P3H2: variants seen among roughly 807,000 people sequenced by gnomAD.
The protein encoded by P3H2 is prolyl 3-hydroxylase 2, also known as leprecan-like 1.
A neutral mutation model predicts 87.0 loss-of-function variants in P3H2; 80 were observed. The observed-to-expected ratio is 0.92, with a 90% CI of 0.77 to 1.11. The LOEUF (loss-of-function observed/expected upper bound fraction) is 1.11, where lower values mean the gene tolerates loss of function less well. Ranked by LOEUF, P3H2 falls within the 50% of genes least tolerant of loss-of-function variation. The pLI, the probability that P3H2 is intolerant of heterozygous loss-of-function variation, is 0.00. For synonymous variants in P3H2, 367 were observed against 359.3 expected, an observed-to-expected ratio of 1.02 and a Z score of -0.24; for missense variants, 1,001 against 923.9, an observed-to-expected ratio of 1.08 and a Z score of -1.08.
chr3:189,961,679 G>A (rs577046235), intron 14 of P3H2, among the ~76,000 whole-genome samples: 2 of 152,274 alleles, frequency 1.3e-5, no homozygotes, highest in South Asian at 2.1e-4. Context: ...CACAGCCTGG[G>A]CTAATTTAGC....
intron 1 of P3H2, among the ~76,000 whole-genome samples, chr3:189,999,649 A>G (rs181088145): frequency 5.3e-5 from 8 of 152,338 alleles, no homozygotes; most frequent in African/African-American, 1.7e-4. Flanking sequence ...TTCCTTTAAG[A>G]CCTAATTAAA....
intron 13 of P3H2, among the ~76,000 whole-genome samples, chr3:189,965,609 T>A (rs1168797481): frequency 3.9e-4 from 60 of 152,376 alleles, no homozygotes; most frequent in Non-Finnish European, 2.9e-5. Context: ...AATGTGATTC[T>A]GTTTTTCTGG....
intron 1 of P3H2, among the ~76,000 whole-genome samples, chr3:190,080,455 C>A (rs963175299): frequency 3.3e-5 from 5 of 152,060 alleles, no homozygotes; most frequent in South Asian, 2.1e-4. Flanking sequence ...TGGTGGAGTG[C>A]AATGTCGTGA....
intron 10 of P3H2, 100 bp downstream of exon 10, chr3:189,973,809 C>T: frequency 1.1e-6 from 1 of 885,326 alleles, no homozygotes; most frequent in Admixed American, 1.7e-5. Flanking sequence ...CAGGCGTGAG[C>T]CACTGTGCCT....
chr3:190,007,965 C>CACACACACACACACACACACACACAT, intron 1 of P3H2, among the ~76,000 whole-genome samples: 4 of 94,346 alleles, frequency 4.2e-5, no homozygotes, highest in African/African-American at 1.2e-4. Flanking sequence ...TGTTGACACA[C>CACACACACACACACACACACACACAT]ATATATATAT....
chr3:190,030,020 A>G (rs929926024), intron 1 of P3H2, among the ~76,000 whole-genome samples: 1 of 152,086 alleles, frequency 6.6e-6, no homozygotes, highest in Non-Finnish European at 1.5e-5. Flanking sequence ...AAAAGAAAAA[A>G]AAAGAAAAAA....
chr3:190,002,635 G>A (rs542145290), intron 1 of P3H2, among the ~76,000 whole-genome samples: 16 of 152,112 alleles, frequency 1.1e-4, no homozygotes, highest in Non-Finnish European at 2.1e-4. Context: ...TCCTGATCTC[G>A]TGATCCGCCC....
chr3:189,968,126 A>G (rs777415030), intron 13 of P3H2, among the ~76,000 whole-genome samples: 1 of 152,082 alleles, frequency 6.6e-6, no homozygotes, highest in Non-Finnish European at 1.5e-5. Context: ...TTTTATTATT[A>G]TTATACTTTT....
intron 1 of P3H2, among the ~76,000 whole-genome samples, chr3:190,011,399 T>C (rs1208562282): frequency 6.6e-6 from 1 of 152,226 alleles, no homozygotes; most frequent in African/African-American, 2.4e-5. Flanking sequence ...GTGATACATT[T>C]GTTTTTATTT....
At chr3:189,994,309 C>G in intron 2 of P3H2, 26 bp from the exon 3 acceptor site, 1 of 1,401,110 alleles carries the variant, frequency 7.1e-7, no homozygotes. Context: ...CGGGAAAAAA[C>G]AAACAAACAA....
chr3:190,120,342 G>C lies in P3H2; in HGVS notation c.390C>G (p.Gly130=), dbSNP rs2108531478. The part of the protein sequence containing the change: ...YRSCETQRLG[G]PASRHRVSED... Reference sequence around the variant, plus strand: ...CGCTGACGCGGTGGCGGGATGCGGGGCCCCCGAGGCGCTGGGTCTCACAGC... The same window carrying C: ...CGCTGACGCGGTGGCGGGATGCGGGCCCCCCGAGGCGCTGGGTCTCACAGC... The change falls in exon 1 of 15, where the codon GGC becomes GGG. Residue 130 remains glycine (G), a synonymous_variant. Transcript: ENST00000319332. 1.7e-5 allele frequency: 27 copies of C among 1,586,562 alleles called. No homozygotes were observed. The highest frequency in any genetic ancestry group is 2.3e-5 in the Non-Finnish European group (27 of 1,169,884).
At chr3:189,971,850 T>C (rs562541042) in intron 12 of P3H2, 40 bp downstream of exon 12, 1 of 1,203,978 alleles carries the variant, frequency 8.3e-7, no homozygotes, top group South Asian at 1.2e-5. Context: ...TTGAAAACTG[T>C]TAGGTAAAAG....
chr3:190,053,568 C>A (rs546336063), intron 1 of P3H2, among the ~76,000 whole-genome samples: 2 of 151,900 alleles, frequency 1.3e-5, no homozygotes, highest in South Asian at 4.2e-4. Context: ...AGCGATTCTC[C>A]TGCCTCAGCC....
rs150926301 is a variant in P3H2, at chr3:190,105,643, T to G, written c.480+14609A>C. Among the ~76,000 whole-genome samples, 712 of 152,346 alleles carry G rather than the reference T, an allele frequency of 4.7e-3. 3 individuals are homozygous for G. Among genetic ancestry groups the G allele is most frequent in the African/African-American group, 0.016 (664 of 41,574 alleles). On this transcript the variant is annotated intron_variant, in intron 1 of 14. Coordinates refer to ENST00000319332, the MANE Select transcript of P3H2 (RefSeq NM_018192.4). ...GAAGTAATTCCTTTCCTGTAAACTT[T>G]TAAACTAATTTATGTCCATTGCATT... is the stretch of plus-strand genomic sequence containing the variant.
At chr3:190,022,269 T>C (rs1724946264) in intron 1 of P3H2, among the ~76,000 whole-genome samples, 1 of 135,512 alleles carries the variant, frequency 7.4e-6, no homozygotes, top group South Asian at 2.6e-4. Flanking sequence ...TCTCTGGAAA[T>C]GACCAAAGGC....
chr3:189,958,360 G>A (rs1027896000), intron 14 of P3H2, among the ~76,000 whole-genome samples: 1 of 152,086 alleles, frequency 6.6e-6, no homozygotes, highest in African/African-American at 2.4e-5. Flanking sequence ...CTCTCTCTCG[G>A]TAAAGACCAA....
chr3:190,102,403 C>T (rs1711661754), intron 1 of P3H2, among the ~76,000 whole-genome samples: 1 of 152,132 alleles, frequency 6.6e-6, no homozygotes, highest in South Asian at 2.1e-4. Context: ...AAAATTTCAA[C>T]ATTAACAGAA....
chr3:189,969,494 G>C, intron 13 of P3H2: 1 of 973,994 alleles, frequency 1.0e-6, no homozygotes, highest in South Asian at 1.3e-5. Flanking sequence ...ATCATAGAGG[G>C]ACTGAGGTCT....
chr3:190,060,425 G>A (rs1726296045), intron 1 of P3H2, among the ~76,000 whole-genome samples: 1 of 151,938 alleles, frequency 6.6e-6, no homozygotes, highest in South Asian at 2.1e-4. Flanking sequence ...TAATTTTCTG[G>A]GAATTAGAAG....
Sources: gnomAD v4.1 joint callset for allele counts (sites outside exome capture counted in the v4.1 genomes callset) on GRCh38, gnomAD v4.1.1 for gene constraint, MANE v1.5 for transcripts, NCBI Gene and HGNC (gene_info 2026-07-23, HGNC 2026-07-21) for gene names.